The following FUT8 variants were observed in gnomAD, a reference collection of about 807,000 sequenced individuals.
FUT8 encodes the protein alpha-(1,6)-fucosyltransferase.
FUT8 carries 29 observed loss-of-function variants against 71.3 expected under a neutral mutation model. The ratio of observed to expected loss-of-function variants is 0.41; its 90% CI spans 0.30 to 0.55. The LOEUF (loss-of-function observed/expected upper bound fraction) is 0.55, where lower values mean the gene tolerates loss of function less well. Ranked by LOEUF, FUT8 falls within the 20% of genes least tolerant of loss-of-function variation. The pLI is 0.34. For synonymous variants in FUT8, 254 were observed against 239.3 expected (o/e 1.06, Z -0.57); for missense variants, 544 against 702.1 (o/e 0.77, Z 2.55).
chr14:65,447,379 C>T (rs1430698439), intron 1 of FUT8, among the ~76,000 whole-genome samples: 2 of 151,432 alleles, frequency 1.3e-5, no homozygotes, highest in East Asian at 1.9e-4. Flanking sequence ...TTTTAGTTTC[C>T]AGTAAATCAA....
chr14:65,542,189 A>G (rs936967166), intron 2 of FUT8, among the ~76,000 whole-genome samples: 4 of 152,204 alleles, frequency 2.6e-5, no homozygotes, highest in African/African-American at 4.8e-5. Flanking sequence ...TTAATGAGAG[A>G]CCAGCGTAAT....
chr14:65,435,960 G>A (rs534755128), intron 1 of FUT8, among the ~76,000 whole-genome samples: 42 of 126,486 alleles, frequency 3.3e-4, no homozygotes, highest in Admixed American at 2.0e-3. Flanking sequence ...ACAGAGTCTT[G>A]CCGTGTTACC....
chr14:65,720,454 G>C (rs1418684075), intron 7 of FUT8, among the ~76,000 whole-genome samples: 1 of 152,192 alleles, frequency 6.6e-6, no homozygotes, highest in Non-Finnish European at 1.5e-5. Context: ...TTGGTGCTCT[G>C]TTCCACTGTG....
chr14:65,387,868 A>T, the FUT8 span, among the ~76,000 whole-genome samples: 1 of 152,184 alleles, frequency 6.6e-6, no homozygotes, highest in South Asian at 2.1e-4. Flanking sequence ...ATGTTATTCC[A>T]TCATGACCAC....
At chr14:65,493,799 C>CTT (rs1034004234) in intron 2 of FUT8, among the ~76,000 whole-genome samples, 5 of 148,210 alleles carry the variant, frequency 3.4e-5, no homozygotes, top group Non-Finnish European at 7.5e-5. Flanking sequence ...AAATTTTCTC[C>CTT]TTTTTTTTTT....
Position 65,460,131 on chromosome 14 carries a change from C to CT in FUT8, c.-228+4414dup, listed in dbSNP as rs137907364. On this transcript the variant is annotated intron_variant, in intron 2 of 10. Transcript: ENST00000673929. The stretch of plus-strand genomic sequence containing the variant: ...ATTGTACCAATTTTGTCTTGATTCT[C>CT]TAAGAATCTTTTTAGTCTTTTAGGA... Among the ~76,000 whole-genome samples, 1,234 of 152,232 alleles carry CT rather than the reference C, an allele frequency of 8.1e-3. 38 individuals carry two copies. The highest frequency in any genetic ancestry group is 0.051 in the Admixed American group (778 of 15,290).
In FUT8 at chr14:65,742,594, C is replaced by G; in HGVS notation, c.*184C>G. On this transcript the variant is annotated 3_prime_UTR_variant, in exon 11 of 11. Coordinates refer to ENST00000673929, the MANE Select transcript of FUT8 (RefSeq NM_001371533.1). ...TTCAATTGGTGGAATTCCTCTTTAACAAGGGCTGCAATGCCCTCATACCCA... is the reference window on the plus strand; with the variant it reads ...TTCAATTGGTGGAATTCCTCTTTAAGAAGGGCTGCAATGCCCTCATACCCA... The G allele has an allele frequency of 1.7e-6, 1 of 593,746 alleles. No individual in the cohort carries two copies. The highest frequency in any genetic ancestry group is 2.8e-5 in the East Asian group (1 of 35,760). 36.8% of individuals were successfully genotyped at this position (593,746 alleles called of 1,614,324 possible).
intron 3 of FUT8, among the ~76,000 whole-genome samples, chr14:65,611,225 A>G (rs1196200038): frequency 6.0e-3 from 9 of 1,508 alleles, no homozygotes; most frequent in African/African-American, 0.012. Context: ...GCGCGCGCGC[A>G]CACACACACA....
At chr14:65,445,364 G>GCCT (rs1209594753) in intron 1 of FUT8, among the ~76,000 whole-genome samples, 4 of 152,116 alleles carry the variant, frequency 2.6e-5, no homozygotes, top group Non-Finnish European at 5.9e-5. Flanking sequence ...GGACTTACCA[G>GCCT]CCTCCAGAGC....
intron 3 of FUT8, among the ~76,000 whole-genome samples, chr14:65,584,006 A>G (rs983552531): frequency 5.3e-5 from 8 of 152,068 alleles, no homozygotes; most frequent in African/African-American, 1.9e-4. Context: ...CAGCTTCCCG[A>G]GTAGCTGGGA....
the FUT8 span, among the ~76,000 whole-genome samples, chr14:65,380,103 C>T: frequency 6.6e-6 from 1 of 152,316 alleles, no homozygotes; most frequent in East Asian, 1.9e-4. Context: ...TAAAGACATA[C>T]ACGAGACTGG....
At chr14:65,520,975 A>T (rs1883038564) in intron 2 of FUT8, among the ~76,000 whole-genome samples, 1 of 152,024 alleles carries the variant, frequency 6.6e-6, no homozygotes, top group African/African-American at 2.4e-5. Context: ...ATGATTTTAG[A>T]TTTCTTTCTC....
intron 6 of FUT8, chr14:65,636,663 C>T (rs1223134802): frequency 6.6e-6 from 1 of 152,052 alleles, no homozygotes; most frequent in Non-Finnish European, 1.5e-5. Context: ...TTAAAGGTTC[C>T]AGTTGGAGTT....
Position 65,670,351 on chromosome 14 carries a change from C to G in FUT8, c.835+871C>G, listed in dbSNP as rs145961715. Among the ~76,000 whole-genome samples, 268 of 152,176 alleles carry G rather than the reference C, an allele frequency of 1.8e-3. 1 individual carries two copies. The highest frequency in any genetic ancestry group is 6.2e-3 in the African/African-American group (259 of 41,536). On this transcript the variant is annotated intron_variant, in intron 7 of 10. Coordinates refer to ENST00000673929, the MANE Select transcript of FUT8 (RefSeq NM_001371533.1). ...TTATCAGTAAAATGAAGAGTAATCACTTTATTGAATTGTTGGTAGATTAAA... is the reference window on the plus strand; with the variant it reads ...TTATCAGTAAAATGAAGAGTAATCAGTTTATTGAATTGTTGGTAGATTAAA...
At chr14:65,419,821 C>T (rs1353341766) in intron 1 of FUT8, among the ~76,000 whole-genome samples, 2 of 152,114 alleles carry the variant, frequency 1.3e-5, no homozygotes, top group African/African-American at 2.4e-5. Flanking sequence ...AAACCGACCC[C>T]CTCAACAGCG....
At chr14:65,661,083 T>C (rs1291780809) in intron 6 of FUT8, among the ~76,000 whole-genome samples, 1 of 152,210 alleles carries the variant, frequency 6.6e-6, no homozygotes, top group Non-Finnish European at 1.5e-5. Context: ...TTTTGGTTTT[T>C]ACTGAGCTGT....
At chr14:65,563,489 A>G (rs1886025760) in intron 3 of FUT8, among the ~76,000 whole-genome samples, 2 of 152,048 alleles carry the variant, frequency 1.3e-5, no homozygotes, top group South Asian at 4.1e-4. Flanking sequence ...CTAAACTCTG[A>G]ATAACTGTAT....
intron 2 of FUT8, among the ~76,000 whole-genome samples, chr14:65,553,675 T>C (rs1885419032): frequency 6.6e-6 from 1 of 151,934 alleles, no homozygotes; most frequent in South Asian, 2.1e-4. Flanking sequence ...CTTCATTTTA[T>C]CCAGTGAAAG....
chr14:65,719,240 T>C lies in FUT8; in HGVS notation c.836-2535T>C, dbSNP rs192148918. On this transcript the variant is annotated intron_variant, in intron 7 of 10. Coordinates refer to ENST00000673929, the MANE Select transcript of FUT8 (RefSeq NM_001371533.1). ...ATTCTTTCTTCTGCTTGATGACTTCTATTAAGAGACTCAGTATGTCAGCTG... is the reference window on the plus strand; with the variant it reads ...ATTCTTTCTTCTGCTTGATGACTTCCATTAAGAGACTCAGTATGTCAGCTG... Among the ~76,000 whole-genome samples the C allele has an allele frequency of 3.3e-5, 5 of 152,292 alleles. No individual in the cohort carries two copies. In the Middle Eastern group the frequency reaches 0.014, roughly 414 times the overall value.
Sources: allele counts gnomAD v4.1 joint callset (sites outside exome capture counted in the v4.1 genomes callset), GRCh38; gene constraint gnomAD v4.1.1; transcripts MANE v1.5; gene names NCBI Gene and HGNC (gene_info 2026-07-23, HGNC 2026-07-21).